SBF2: variants seen among roughly 807,000 people sequenced by gnomAD.
SBF2 encodes the protein myotubularin-related protein 13.
A neutral mutation model predicts 225.2 loss-of-function variants in SBF2; 112 were observed. The observed-to-expected ratio is 0.50, with a 90% confidence interval of 0.43 to 0.58. The LOEUF (loss-of-function observed/expected upper bound fraction) is 0.58, where lower values mean the gene tolerates loss of function less well. SBF2 is among the 20% of genes least tolerant of loss of function. The probability of loss-of-function intolerance (pLI) is 0.00; values close to 1 mark genes in which losing one functional copy is unlikely to be tolerated. For synonymous variants in SBF2, 763 were observed against 773.3 expected (o/e 0.99, Z 0.22); for missense variants, 1,996 against 2,206.2 (o/e 0.90, Z 1.91).
chr11:10,093,564 C>T (rs991391636), intron 2 of SBF2, among the ~76,000 whole-genome samples: 3 of 152,088 alleles, frequency 2.0e-5, no homozygotes, highest in South Asian at 2.1e-4. Context: ...TTATCACATA[C>T]GATGTACATA....
chr11:10,094,879 G>T (rs903249559), intron 2 of SBF2, among the ~76,000 whole-genome samples: 1 of 151,106 alleles, frequency 6.6e-6, no homozygotes, highest in Non-Finnish European at 1.5e-5. Context: ...GGGTATCACT[G>T]ACAAGCCTTC....
chr11:10,173,514 C>T (rs57197571), intron 2 of SBF2, among the ~76,000 whole-genome samples: 1,623 of 152,338 alleles, frequency 0.011, 35 homozygotes, highest in African/African-American at 0.037. Context: ...GGTCCTACGC[C>T]CACGGAGTCT....
At chr11:10,182,003 C>A (rs1229362314) in intron 2 of SBF2, among the ~76,000 whole-genome samples, 1 of 152,120 alleles carries the variant, frequency 6.6e-6, no homozygotes, top group South Asian at 2.1e-4. Flanking sequence ...CCACCAAATA[C>A]TTCATCTTAT....
chr11:10,150,964 T>G (rs916239099), intron 2 of SBF2, among the ~76,000 whole-genome samples: 2 of 152,164 alleles, frequency 1.3e-5, no homozygotes, highest in African/African-American at 2.4e-5. Flanking sequence ...ACTTAAACCT[T>G]CTGGAATTGG....
chr11:10,104,031 T>C (rs936315081), intron 2 of SBF2, among the ~76,000 whole-genome samples: 7 of 149,710 alleles, frequency 4.7e-5, no homozygotes, highest in African/African-American at 1.7e-4. Flanking sequence ...TGCAGTGAGC[T>C]GAAACTGCAC....
chr11:9,932,321 C>G (rs754434836), intron 16 of SBF2, among the ~76,000 whole-genome samples: 2 of 152,078 alleles, frequency 1.3e-5, no homozygotes, highest in Admixed American at 6.6e-5. Flanking sequence ...CCCCAAGACA[C>G]AGAATTGTCA....
chr11:10,223,463 A>C (rs1040627732), intron 1 of SBF2, among the ~76,000 whole-genome samples: 8 of 141,796 alleles, frequency 5.6e-5, no homozygotes, highest in African/African-American at 2.1e-4. Context: ...CAATAAAGTA[A>C]GCTACAGAAA....
At chr11:10,050,160 T>G (rs1363103053) in intron 2 of SBF2, among the ~76,000 whole-genome samples, 1 of 152,232 alleles carries the variant, frequency 6.6e-6, no homozygotes, top group African/African-American at 2.4e-5. Context: ...GAATGATGAC[T>G]GCATATTTTC....
At position 10,238,347 on chromosome 11, in the gene SBF2, C is replaced by T. The variant is rs576657882; in HGVS notation, c.56-44360G>A. Among the ~76,000 whole-genome samples, 18 of 152,050 alleles carry T rather than the reference C, an allele frequency of 1.2e-4. No homozygotes were observed. In the South Asian group the frequency reaches 3.7e-3, roughly 32 times the overall value. On this transcript the variant is annotated intron_variant, in intron 1 of 39. Coordinates refer to ENST00000256190, the MANE Select transcript of SBF2 (RefSeq NM_030962.4). ...CTGCCTGAGCCTGGGGTGGTTGAGG[C>T]TGTGGTGAGCCATGATTGTACCACT...
At chr11:10,260,395 G>C (rs990394441) in intron 1 of SBF2, among the ~76,000 whole-genome samples, 14 of 151,720 alleles carry the variant, frequency 9.2e-5, no homozygotes, top group Admixed American at 9.2e-4. Context: ...ACCAGCCTGG[G>C]CAACATAGTA....
At position 9,789,165 on chromosome 11, in the gene SBF2, G is replaced by C. The variant is rs772803513; in HGVS notation, c.4876C>G (p.Pro1626Ala). ...GTACAGCTGACATCATCATAGCATGGCCACACTGTTCTCCTCTGGCTCCGT... is the reference window on the plus strand; with the variant it reads ...GTACAGCTGACATCATCATAGCATGCCCACACTGTTCTCCTCTGGCTCCGT... The part of the protein sequence containing the change: ...GPRSQRRTVW[P>A]CYDDVSCTQP... Residue 1626 changes from proline to alanine, a missense_variant, in exon 35 of 40, where the codon CCA (proline) becomes GCA (alanine). Physicochemically the swap from Pro to Ala is conservative, Grantham distance 27. Transcript: ENST00000256190. The C allele has an allele frequency of 2.5e-6, 4 of 1,614,012 alleles. No individual in the cohort carries two copies. The African/African-American group carries it at 4.0e-5, about 16-fold the overall frequency.
intron 2 of SBF2, among the ~76,000 whole-genome samples, chr11:10,060,491 C>A (rs1012241603): frequency 6.6e-6 from 1 of 152,082 alleles, no homozygotes; most frequent in Non-Finnish European, 1.5e-5. Flanking sequence ...AAACTATTCC[C>A]AAAAATTGAG....
chr11:10,021,866 C>A (rs571347382), intron 6 of SBF2, among the ~76,000 whole-genome samples: 97 of 152,278 alleles, frequency 6.4e-4, no homozygotes, highest in African/African-American at 2.2e-3. Flanking sequence ...TTATCACCAC[C>A]ATGTGCTTTG....
chr11:10,232,562 T>A (rs1033446515), intron 1 of SBF2, among the ~76,000 whole-genome samples: 1 of 71,352 alleles, frequency 1.4e-5, no homozygotes, highest in East Asian at 4.3e-4. Flanking sequence ...TTTGTCTTAA[T>A]TTTTTTTTTT....
At chr11:10,096,882 G>T (rs1199700255) in intron 2 of SBF2, among the ~76,000 whole-genome samples, 1 of 151,872 alleles carries the variant, frequency 6.6e-6, no homozygotes, top group East Asian at 1.9e-4. Context: ...ACCACTACAG[G>T]CAGCAACAAT....
intron 2 of SBF2, among the ~76,000 whole-genome samples, chr11:10,170,730 G>C (rs1956149447): frequency 6.6e-6 from 1 of 151,890 alleles, no homozygotes. Flanking sequence ...TCTATAGATT[G>C]CTTTAGGTAG....
chr11:10,106,238 T>C (rs1952547295), intron 2 of SBF2, among the ~76,000 whole-genome samples: 1 of 152,110 alleles, frequency 6.6e-6, no homozygotes, highest in East Asian at 1.9e-4. Context: ...GTAAATTATA[T>C]CTCATTATAC....
intron 1 of SBF2, among the ~76,000 whole-genome samples, chr11:10,237,304 G>C (rs1959111214): frequency 1.3e-5 from 2 of 152,102 alleles, no homozygotes; most frequent in Non-Finnish European, 2.9e-5. Context: ...CTGAGAGCGT[G>C]CCACTGCACT....
chr11:9,898,778 C>T (rs926582327), intron 16 of SBF2, among the ~76,000 whole-genome samples: 1 of 152,078 alleles, frequency 6.6e-6, no homozygotes, highest in Non-Finnish European at 1.5e-5. Flanking sequence ...GCTCAAGCTT[C>T]CTATATTATG....
Sources: gnomAD v4.1 joint callset for allele counts (sites outside exome capture counted in the v4.1 genomes callset) on GRCh38, gnomAD v4.1.1 for gene constraint, MANE v1.5 for transcripts, NCBI Gene and HGNC (gene_info 2026-07-23, HGNC 2026-07-21) for gene names.